The following ADGRA3 variants were observed in gnomAD, a reference collection of about 807,000 sequenced individuals.
ADGRA3 encodes the protein adhesion G protein-coupled receptor A3.
In ADGRA3, 56 loss-of-function variants were observed where a neutral mutation model predicts 119.8. That is an observed-to-expected ratio of 0.47 (90% CI 0.38 to 0.58). ADGRA3 has a LOEUF of 0.58. ADGRA3 is among the 20% of genes least tolerant of loss of function. The probability of loss-of-function intolerance (pLI) is 0.00; values close to 1 mark genes in which losing one functional copy is unlikely to be tolerated. For synonymous variants in ADGRA3, 607 were observed against 623.8 expected (o/e 0.97, Z 0.40); for missense variants, 1,516 against 1,649.0 (o/e 0.92, Z 1.40).
At position 22,438,267 on chromosome 4, in the gene ADGRA3, T is replaced by A; in HGVS notation, c.1074A>T (p.Lys358Asn). ...YCPPERVVNN[K>N]GDFRWPRTLA... ...TCCACAACACTGACCTGAAGTCACC[T>A]TTGTTGTTTACCACCCTCTCTGGAG... The change falls in exon 8 of 19, where the codon AAA (lysine) becomes AAT (asparagine). Residue 358 changes from lysine (K) to asparagine (N), a missense_variant. Physicochemically the swap from Lys to Asn is moderately conservative, Grantham distance 94. Around this residue, in one of 2 missense-constraint regions of ADGRA3, gnomAD observed 428 missense variants for 541.9 expected, o/e 0.79. Transcript: ENST00000334304. 1 of 1,610,962 alleles carries A rather than the reference T, an allele frequency of 6.2e-7. No homozygotes were observed. The highest frequency in any genetic ancestry group is 8.5e-7 in the Non-Finnish European group (1 of 1,178,838).
chr4:22,416,572 A>G (rs1386375669), intron 12 of ADGRA3, among the ~76,000 whole-genome samples: 1 of 152,110 alleles, frequency 6.6e-6, no homozygotes, highest in South Asian at 2.1e-4. Context: ...GACAAGCACA[A>G]AAGTCTAGGG....
intron 3 of ADGRA3, chr4:22,455,841 C>T: frequency 7.8e-7 from 1 of 1,287,176 alleles, no homozygotes; most frequent in South Asian, 1.2e-5. Context: ...TCATTGTTTT[C>T]AGTGGACTTA....
chr4:22,448,103 G>A (rs548755719), intron 4 of ADGRA3, among the ~76,000 whole-genome samples: 1 of 152,228 alleles, frequency 6.6e-6, no homozygotes, highest in Non-Finnish European at 1.5e-5. Flanking sequence ...GTCTCGCAGC[G>A]TTTTGAATGA....
At position 22,387,679 on chromosome 4, in the gene ADGRA3, A is replaced by G; in HGVS notation, c.*26T>C. The G allele has an allele frequency of 1.3e-6, 2 of 1,568,706 alleles. No homozygotes were observed. Among genetic ancestry groups the G allele is most frequent in the Non-Finnish European group, 1.7e-6 (2 of 1,156,760 alleles). On this transcript the variant is annotated 3_prime_UTR_variant, in exon 19 of 19. Coordinates refer to ENST00000334304, the MANE Select transcript of ADGRA3 (RefSeq NM_145290.4). ...AATGTGAGTATCACAGTTTATATGAATTTCTGCCTAGGAAGCCCAGCAATG... is the reference window on the plus strand; with the variant it reads ...AATGTGAGTATCACAGTTTATATGAGTTTCTGCCTAGGAAGCCCAGCAATG...
At chr4:22,492,211 C>T (rs6818597) in intron 1 of ADGRA3, among the ~76,000 whole-genome samples, 21,174 of 152,054 alleles carry the variant, frequency 0.14, 1,687 homozygotes, top group East Asian at 0.27. Context: ...CCATCCCAAC[C>T]AGCGCTTCGT....
chr4:22,444,860 G>T, intron 6 of ADGRA3, 113 bp downstream of exon 6: 1 of 985,518 alleles, frequency 1.0e-6, no homozygotes, highest in Non-Finnish European at 1.5e-6. Context: ...AATGATTACT[G>T]GCTGCATACT....
chr4:22,473,852 T>C lies in ADGRA3; in HGVS notation c.258-9A>G. The stretch of plus-strand genomic sequence containing the variant: ...TATTGTTACTCAGAATCCTAAAAAA[T>C]ACCAAAAAAATAATAAGTTGCCTAA... On this transcript the variant is annotated splice_polypyrimidine_tract_variant and intron_variant, in intron 1 of 18. Coordinates refer to ENST00000334304, the MANE Select transcript of ADGRA3 (RefSeq NM_145290.4). 1 of 1,577,916 alleles carries C rather than the reference T, an allele frequency of 6.3e-7. No individual in the cohort carries two copies. Among genetic ancestry groups the C allele is most frequent in the Non-Finnish European group, 8.7e-7 (1 of 1,153,118 alleles).
At chr4:22,503,092 T>C (rs1463740409) in intron 1 of ADGRA3, among the ~76,000 whole-genome samples, 1 of 151,738 alleles carries the variant, frequency 6.6e-6, no homozygotes, top group Admixed American at 6.6e-5. Context: ...AAACAGGAGG[T>C]AGGAGGTGGT....
chr4:22,513,149 T>TA (rs559899892), intron 1 of ADGRA3, among the ~76,000 whole-genome samples: 2 of 119,610 alleles, frequency 1.7e-5, no homozygotes, highest in African/African-American at 5.3e-5. Context: ...TCCTCTTTTT[T>TA]TTTTTTTTTT....
At chr4:22,467,457 G>A (rs1452495257) in intron 2 of ADGRA3, among the ~76,000 whole-genome samples, 5 of 152,166 alleles carry the variant, frequency 3.3e-5, no homozygotes, top group Non-Finnish European at 5.9e-5. Flanking sequence ...TCTGTAAATA[G>A]AAATATATAA....
chr4:22,412,786 G>C (rs987341177), intron 14 of ADGRA3, among the ~76,000 whole-genome samples: 1 of 152,106 alleles, frequency 6.6e-6, no homozygotes, highest in African/African-American at 2.4e-5. Flanking sequence ...CATGTAGTGG[G>C]AAACAGCGCT....
intron 1 of ADGRA3, among the ~76,000 whole-genome samples, chr4:22,504,681 C>T (rs1304022762): frequency 2.0e-5 from 3 of 151,912 alleles, no homozygotes; most frequent in Admixed American, 6.6e-5. Flanking sequence ...CTTGTACCAG[C>T]CCCTCCCTCT....
intron 3 of ADGRA3, 55 bp from the exon 4 acceptor site, chr4:22,454,992 C>A: frequency 8.1e-7 from 1 of 1,229,348 alleles, no homozygotes; most frequent in Non-Finnish European, 1.2e-6. Context: ...TAAAGAAGGT[C>A]TCATGCATTC....
chr4:22,430,036 C>T (rs1716094792), intron 10 of ADGRA3, among the ~76,000 whole-genome samples: 1 of 152,146 alleles, frequency 6.6e-6, no homozygotes, highest in Non-Finnish European at 1.5e-5. Context: ...TAAAGAGAAG[C>T]TTCCCTGCAC....
intron 3 of ADGRA3, among the ~76,000 whole-genome samples, chr4:22,459,632 A>T (rs1350235839): frequency 1.3e-5 from 2 of 152,086 alleles, no homozygotes; most frequent in Non-Finnish European, 2.9e-5. Flanking sequence ...GAAAACCAGT[A>T]AGACATAAAA....
At position 22,461,826 on chromosome 4, in the gene ADGRA3, A is replaced by G. The variant is rs751361651; in HGVS notation, c.330-18T>C. 3.3e-6 allele frequency: 5 copies of G among 1,537,140 alleles called. No individual in the cohort carries two copies. In the South Asian group the frequency reaches 4.5e-5, roughly 14 times the overall value. Reference sequence around the variant, plus strand: ...GGAGGTCCCTGTTAAAAATAAAATAAAAGTTATTCACATATCAACACTGCA... The same window carrying G: ...GGAGGTCCCTGTTAAAAATAAAATAGAAGTTATTCACATATCAACACTGCA... On this transcript the variant is annotated intron_variant, in intron 2 of 18. Coordinates refer to ENST00000334304, the MANE Select transcript of ADGRA3 (RefSeq NM_145290.4).
rs560397916 is a variant in ADGRA3 at position 22,501,970 on chromosome 4, G to A, written c.257+13558C>T. Among the ~76,000 whole-genome samples, 5 of 151,830 alleles carry A rather than the reference G, an allele frequency of 3.3e-5. No individual in the cohort carries two copies. In the East Asian group the frequency reaches 9.7e-4, roughly 30 times the overall value. ...GAGCTCTGAAAAGTAAATCCTAGTA[G>A]AACAGTTCACTAAGGTTCTTTAAGT... On this transcript the variant is annotated intron_variant, in intron 1 of 18. Coordinates refer to ENST00000334304, the MANE Select transcript of ADGRA3 (RefSeq NM_145290.4).
intron 2 of ADGRA3, among the ~76,000 whole-genome samples, chr4:22,463,066 A>G (rs1253459666): frequency 2.6e-5 from 4 of 152,180 alleles, no homozygotes; most frequent in Non-Finnish European, 4.4e-5. Flanking sequence ...AACCTTGTCT[A>G]CTGAAGCCAG....
At chr4:22,477,042 T>C (rs952872258) in intron 1 of ADGRA3, among the ~76,000 whole-genome samples, 2 of 152,156 alleles carry the variant, frequency 1.3e-5, no homozygotes, top group African/African-American at 4.8e-5. Context: ...TTTTTAAGTA[T>C]TTTTCCTCCT....
Sources: allele counts gnomAD v4.1 joint callset (sites outside exome capture counted in the v4.1 genomes callset), GRCh38; gene constraint gnomAD v4.1.1; regional missense constraint gnomAD v4.1.1; transcripts MANE v1.5; gene names NCBI Gene and HGNC (gene_info 2026-07-23, HGNC 2026-07-21).